SAMD13: variants seen among roughly 807,000 people sequenced by gnomAD.
SAMD13 encodes the protein sterile alpha motif domain-containing protein 13.
In SAMD13, 9 loss-of-function variants were observed where a neutral mutation model predicts 12.4. The observed-to-expected ratio is 0.72, with a 90% CI of 0.44 to 1.26. SAMD13 has a LOEUF of 1.26. SAMD13 is among the 50% of genes most tolerant of loss of function. The pLI is 0.00. For synonymous variants in SAMD13, 46 were observed against 45.4 expected, an observed-to-expected ratio of 1.01 and a Z score of -0.05; for missense variants, 84 against 119.6, an observed-to-expected ratio of 0.70 and a Z score of 1.39.
intron 2 of SAMD13, among the ~76,000 whole-genome samples, chr1:84,321,568 C>T (rs1408163078): frequency 6.6e-6 from 1 of 152,180 alleles, no homozygotes; most frequent in Non-Finnish European, 1.5e-5. Context: ...GTATTTTAAA[C>T]AGTGACATTT....
chr1:84,320,784 TATC>T (rs1325434636), intron 2 of SAMD13, among the ~76,000 whole-genome samples: 1 of 152,188 alleles, frequency 6.6e-6, no homozygotes, highest in Non-Finnish European at 1.5e-5. Context: ...GTGGCAAATA[TATC>T]ATCATAATAT....
Position 84,325,653 on chromosome 1 carries a change from A to G in SAMD13, c.70A>G (p.Arg24Gly). The G allele has an allele frequency of 1.2e-6, 2 of 1,611,566 alleles. No individual in the cohort carries two copies. The highest frequency in any genetic ancestry group is 1.7e-6 in the Non-Finnish European group (2 of 1,177,880). ...VGVKNSMENGRPPDPADWAVM... is the reference protein window; with the variant it reads ...VGVKNSMENGGPPDPADWAVM... ...GTTTTGCAGTTCCATGGAAAATGGGAGACCACCTGATCCTGCAGACTGGGC... is the reference window on the plus strand; with the variant it reads ...GTTTTGCAGTTCCATGGAAAATGGGGGACCACCTGATCCTGCAGACTGGGC... The change falls in exon 3 of 4, where the codon AGA becomes GGA. Residue 24 changes from arginine to glycine, a missense_variant. Coordinates refer to ENST00000394834, the MANE Select transcript of SAMD13 (RefSeq NM_001134663.2).
intron 2 of SAMD13, among the ~76,000 whole-genome samples, chr1:84,325,257 G>C (rs116851215): frequency 6.6e-6 from 1 of 152,124 alleles, no homozygotes; most frequent in East Asian, 1.9e-4. Flanking sequence ...TCTATGAAAG[G>C]ACTTGGCCTA....
rs144723382 is a variant in SAMD13 at position 84,335,092 on chromosome 1, C to T, written c.165+9344C>T. On this transcript the variant is annotated intron_variant, in intron 3 of 3. Transcript: ENST00000394834. ...TTAGTCAAGTGTTAAGTTCAAGTCC[C>T]GAATATCTTAGTTGTCTGCCTTGAT... Among the ~76,000 whole-genome samples the T allele has an allele frequency of 1.7e-3, 254 of 152,036 alleles. 6 individuals carry two copies. The East Asian group carries it at 0.045, about 27-fold the overall frequency.
intron 3 of SAMD13, among the ~76,000 whole-genome samples, chr1:84,339,259 T>C (rs1679369975): frequency 6.6e-6 from 1 of 152,154 alleles, no homozygotes; most frequent in Admixed American, 6.5e-5. Flanking sequence ...GGTTTTTTTG[T>C]TTTGTTTTGT....
intron 2 of SAMD13, among the ~76,000 whole-genome samples, chr1:84,324,941 G>A (rs1356659023): frequency 6.6e-6 from 1 of 152,132 alleles, no homozygotes; most frequent in Non-Finnish European, 1.5e-5. Context: ...CTTGATACTA[G>A]GAATAATAAA....
At chr1:84,303,354 AC>A in intron 2 of SAMD13, 67 bp downstream of exon 2, 2 of 1,337,804 alleles carry the variant, frequency 1.5e-6, no homozygotes, top group Non-Finnish European at 2.1e-6. Flanking sequence ...CTATTTTCGT[AC>A]TTCTTGCTTA....
At chr1:84,303,435 C>T (rs559364339) in intron 2 of SAMD13, 148 bp downstream of exon 2, 2 of 569,796 alleles carry the variant, frequency 3.5e-6, no homozygotes, top group South Asian at 2.0e-5. Flanking sequence ...CCTTCTCCCC[C>T]CTACCCCAGT....
chr1:84,348,774 A>C (rs578135880), intron 3 of SAMD13, among the ~76,000 whole-genome samples: 1 of 152,260 alleles, frequency 6.6e-6, no homozygotes, highest in South Asian at 2.1e-4. Flanking sequence ...CTAAGGGTGC[A>C]GGGAATGGAC....
chr1:84,304,039 T>C (rs943996273), intron 2 of SAMD13: 2 of 152,162 alleles, frequency 1.3e-5, no homozygotes, highest in African/African-American at 4.8e-5. Flanking sequence ...TTCCATATCA[T>C]TTAGTTTAAA....
chr1:84,341,537 C>T (rs1679424766), intron 3 of SAMD13, among the ~76,000 whole-genome samples: 1 of 152,084 alleles, frequency 6.6e-6, no homozygotes, highest in Non-Finnish European at 1.5e-5. Context: ...AGCTGGATTG[C>T]TGGACTCATC....
intron 3 of SAMD13, among the ~76,000 whole-genome samples, chr1:84,334,558 C>A (rs543227455): frequency 1.3e-5 from 2 of 152,128 alleles, no homozygotes; most frequent in South Asian, 2.1e-4. Flanking sequence ...CAGTTTCATT[C>A]GGTTCAGCTC....
chr1:84,350,068 T>G lies in SAMD13; in HGVS notation c.*294T>G, dbSNP rs1032400736. The G allele has an allele frequency of 2.9e-5, 8 of 275,572 alleles. No individual in the cohort carries two copies. Among genetic ancestry groups the G allele is most frequent in the Admixed American group, 2.2e-4 (4 of 18,436 alleles). 17.1% of individuals were successfully genotyped at this position (275,572 alleles called of 1,614,324 possible). ...AAAGGCTTTGAAATCATAAGGATTT[T>G]CCTCATCTCTTTATAGCTTTCCCAA... On this transcript the variant is annotated 3_prime_UTR_variant, in exon 4 of 4. Transcript: ENST00000394834.
chr1:84,318,670 G>T (rs1157178361), intron 2 of SAMD13, among the ~76,000 whole-genome samples: 2 of 152,024 alleles, frequency 1.3e-5, no homozygotes, highest in Non-Finnish European at 2.9e-5. Flanking sequence ...ATGGTTTCTT[G>T]AATATTGATA....
chr1:84,312,486 A>G (rs573157790), intron 2 of SAMD13, among the ~76,000 whole-genome samples: 2 of 152,066 alleles, frequency 1.3e-5, no homozygotes, highest in South Asian at 2.1e-4. Context: ...TTAATTTCCA[A>G]TTACAATATA....
At chr1:84,300,281 A>G (rs759091310), upstream of SAMD13, among the ~76,000 whole-genome samples, 5 of 152,236 alleles carry the variant, frequency 3.3e-5, no homozygotes, top group Non-Finnish European at 5.9e-5. Flanking sequence ...ATTGGTTCCT[A>G]GATTACTATT....
At chr1:84,345,146 C>T (rs1196137217) in intron 3 of SAMD13, 1 of 456,528 alleles carries the variant, frequency 2.2e-6, no homozygotes, top group South Asian at 1.5e-5. Context: ...TGAGAAACTT[C>T]AGACTGGTCA....
At chr1:84,318,760 T>C (rs772585982) in intron 2 of SAMD13, among the ~76,000 whole-genome samples, 4 of 152,176 alleles carry the variant, frequency 2.6e-5, no homozygotes, top group Non-Finnish European at 5.9e-5. Context: ...TTCCTTGATA[T>C]GTTATAGTTA....
chr1:84,322,089 T>TA (rs2101802106), intron 2 of SAMD13, among the ~76,000 whole-genome samples: 1 of 152,288 alleles, frequency 6.6e-6, no homozygotes, highest in Non-Finnish European at 1.5e-5. Flanking sequence ...AGCCCTCCCT[T>TA]ACGTAAATAC....
Sources: allele counts gnomAD v4.1 joint callset (sites outside exome capture counted in the v4.1 genomes callset), GRCh38; gene constraint gnomAD v4.1.1; transcripts MANE v1.5; gene names NCBI Gene and HGNC (gene_info 2026-07-23, HGNC 2026-07-21).